UBN2: variants seen among roughly 807,000 people sequenced by gnomAD.
UBN2 encodes the protein ubinuclein-2.
Under a neutral mutation model 120.2 loss-of-function variants are expected in UBN2, and 35 were observed. That is an observed-to-expected ratio of 0.29 (90% CI 0.22 to 0.39). UBN2 has a LOEUF of 0.39. Ranked by LOEUF, UBN2 falls within the 10% of genes least tolerant of loss-of-function variation. UBN2 has a pLI of 1.00. For synonymous variants in UBN2, 661 were observed against 648.7 expected, an observed-to-expected ratio of 1.02 and a Z score of -0.29; for missense variants, 1,693 against 1,663.2, an observed-to-expected ratio of 1.02 and a Z score of -0.31.
rs1798231804 is a variant in UBN2 at position 139,300,607 on chromosome 7, A to G, written c.*2771A>G. 2.0e-5 allele frequency: 3 copies of G among 152,244 alleles called. No individual in the cohort carries two copies. Among genetic ancestry groups the G allele is most frequent in the Non-Finnish European group, 4.4e-5 (3 of 68,042 alleles). The allele number at this position is 152,244 out of a possible 1,614,324, so 9.4% of individuals were successfully genotyped here. A position where few individuals can be genotyped will look rare whatever the true frequency, so the allele number is the denominator to read the frequency against. On this transcript the variant is annotated 3_prime_UTR_variant, in exon 18 of 18. Coordinates refer to ENST00000473989, the MANE Select transcript of UBN2 (RefSeq NM_173569.4). ...AAAGGATATCTATAGAGCAACGTGT[A>G]TTTCTGAAGAGCATTAGCAACATCC...
chr7:139,276,412 C>T (rs1450513574), intron 12 of UBN2: 1 of 449,978 alleles, frequency 2.2e-6, no homozygotes, highest in African/African-American at 2.0e-5. Context: ...TCCTTTGTTC[C>T]TGGGCCTTCT....
intron 15 of UBN2, 70 bp downstream of exon 15, chr7:139,284,644 T>C (rs1416409453): frequency 1.7e-5 from 22 of 1,326,068 alleles, no homozygotes; most frequent in Non-Finnish European, 2.2e-5. Context: ...TGTGGGTAAC[T>C]TTAATAAGCT....
At chr7:139,233,307 C>G (rs973853845) in intron 1 of UBN2, among the ~76,000 whole-genome samples, 2 of 152,140 alleles carry the variant, frequency 1.3e-5, no homozygotes, top group African/African-American at 2.4e-5. Context: ...AATCTGAGGT[C>G]ACTTTTTTCC....
chr7:139,259,330 A>G lies in UBN2; in HGVS notation c.865A>G (p.Lys289Glu), dbSNP rs1554471999. The change falls in exon 5 of 18, where the codon AAG becomes GAG. Residue 289 changes from lysine to glutamate, a missense_variant. By Grantham distance (56) the Lys-to-Glu change is moderately conservative. Around this residue, in one of 5 missense-constraint regions of UBN2, gnomAD observed 663 missense variants for 591.2 expected, o/e 1.12. Transcript: ENST00000473989. ...GCGGAAGCGGAAAGAGGAAGGGGAA[A>G]AGGAGAAGAAGCCAAGGAAAAAAGT... ...KKRKRKEEGE[K>E]EKKPRKKVPK... 3 of 1,614,042 alleles carry G rather than the reference A, an allele frequency of 1.9e-6. No individual in the cohort carries two copies. Among genetic ancestry groups the G allele is most frequent in the South Asian group, 1.1e-5 (1 of 91,064 alleles).
chr7:139,296,157 T>C (rs1798103992), intron 17 of UBN2, among the ~76,000 whole-genome samples: 1 of 152,202 alleles, frequency 6.6e-6, no homozygotes, highest in South Asian at 2.1e-4. Context: ...ACCTGGTGCA[T>C]AGTAAGAGCT....
chr7:139,296,914 G>A (rs114449193), intron 17 of UBN2, among the ~76,000 whole-genome samples: 1,655 of 152,106 alleles, frequency 0.011, 36 homozygotes, highest in African/African-American at 0.039. Flanking sequence ...AAAAGAAAGA[G>A]CCAGGCGTGG....
chr7:139,247,626 T>C (rs1796506153), intron 2 of UBN2, among the ~76,000 whole-genome samples: 1 of 152,234 alleles, frequency 6.6e-6, no homozygotes, highest in Admixed American at 6.5e-5. Flanking sequence ...GTACTTAGTA[T>C]AGGATCTGAT....
rs1047770432 is a variant in UBN2 at position 139,231,538 on chromosome 7, C to T, written c.54C>T (p.Arg18=). 6 of 1,422,906 alleles carry T rather than the reference C, an allele frequency of 4.2e-6. No individual in the cohort carries two copies. The African/African-American group carries it at 8.9e-5, about 21-fold the overall frequency. The allele number at this position is 1,422,906 out of a possible 1,614,324, so 88.1% of individuals were successfully genotyped here. A position where few individuals can be genotyped will look rare whatever the true frequency, so the allele number is the denominator to read the frequency against. The change falls in exon 1 of 18, where the codon CGC becomes CGT. Residue 18 remains arginine, a synonymous_variant. Coordinates refer to ENST00000473989, the MANE Select transcript of UBN2 (RefSeq NM_173569.4). ...TTAGCTTGTCACCGGTGCGGCGGCG[C>T]GAGGCCGAGTACCCGGGGCCCGAGC... ...AFISLSPVRR[R]EAEYPGPERE... is the part of the protein sequence containing the mutation.
intron 2 of UBN2, among the ~76,000 whole-genome samples, chr7:139,250,063 G>A (rs948268498): frequency 5.3e-5 from 8 of 152,060 alleles, no homozygotes; most frequent in African/African-American, 1.9e-4. Context: ...TCATGGGACA[G>A]GGAAGTCTTA....
intron 2 of UBN2, among the ~76,000 whole-genome samples, chr7:139,251,518 A>C (rs910527765): frequency 1.3e-5 from 2 of 152,124 alleles, no homozygotes; most frequent in East Asian, 1.9e-4. Context: ...TGTTTTTGAT[A>C]ATTTTTGACA....
chr7:139,236,535 T>C (rs1485056772), intron 1 of UBN2, among the ~76,000 whole-genome samples: 5 of 152,226 alleles, frequency 3.3e-5, no homozygotes, highest in Admixed American at 6.5e-5. Flanking sequence ...AGTGAAGATA[T>C]CAATCTAGAA....
At chr7:139,246,474 A>T (rs1796472997) in intron 2 of UBN2, among the ~76,000 whole-genome samples, 1 of 152,256 alleles carries the variant, frequency 6.6e-6, no homozygotes, top group Non-Finnish European at 1.5e-5. Context: ...AGGAAGCTGT[A>T]GATATGGTTA....
At chr7:139,328,066 TC>T in the UBN2 span, among the ~76,000 whole-genome samples, 1 of 152,224 alleles carries the variant, frequency 6.6e-6, no homozygotes, top group East Asian at 1.9e-4. Flanking sequence ...TCTGAAAGTG[TC>T]AGGATTCCAG....
At chr7:139,243,571 G>A (rs1796379575) in intron 2 of UBN2, among the ~76,000 whole-genome samples, 1 of 152,166 alleles carries the variant, frequency 6.6e-6, no homozygotes, top group East Asian at 1.9e-4. Flanking sequence ...ACTGCCAAAA[G>A]TTTGGTTCCA....
At chr7:139,263,824 G>A (rs1271341601) in intron 6 of UBN2, among the ~76,000 whole-genome samples, 4 of 150,852 alleles carry the variant, frequency 2.7e-5, no homozygotes, top group African/African-American at 9.7e-5. Flanking sequence ...GGTTCCAAAA[G>A]TATTGTATGA....
At chr7:139,256,390 G>T (rs1796767516) in intron 3 of UBN2, among the ~76,000 whole-genome samples, 1 of 152,154 alleles carries the variant, frequency 6.6e-6, no homozygotes, top group African/African-American at 2.4e-5. Context: ...ATTTCAGATA[G>T]TAACCTTTTC....
At chr7:139,275,094 A>G (rs2131015600) in intron 11 of UBN2, among the ~76,000 whole-genome samples, 1 of 151,898 alleles carries the variant, frequency 6.6e-6, no homozygotes, top group East Asian at 1.9e-4. Context: ...CCTGGCCAGC[A>G]TGGTGAAACC....
chr7:139,232,445 C>T (rs553473940), intron 1 of UBN2, among the ~76,000 whole-genome samples: 1 of 152,256 alleles, frequency 6.6e-6, no homozygotes, highest in South Asian at 2.1e-4. Flanking sequence ...TGCTGGGCGC[C>T]GTGGCTGCTG....
At chr7:139,325,263 T>TTC in the UBN2 span, among the ~76,000 whole-genome samples, 6,467 of 79,856 alleles carry the variant, frequency 0.081, 298 homozygotes, top group African/African-American at 0.22. Context: ...AATCACTGCT[T>TTC]TTTTTTTTTT....
Sources: gnomAD v4.1 joint callset for allele counts (sites outside exome capture counted in the v4.1 genomes callset) on GRCh38, gnomAD v4.1.1 for gene constraint, gnomAD v4.1.1 regional missense constraint, MANE v1.5 for transcripts, NCBI Gene and HGNC (gene_info 2026-07-23, HGNC 2026-07-21) for gene names.